Variants in SLFN12L observed in about 807,000 individuals in gnomAD.
The protein encoded by SLFN12L is schlafen family member 12 like, also known as schlafen family member 12-like.
Under a neutral mutation model 34.8 loss-of-function variants are expected in SLFN12L, and 34 were observed. The ratio of observed to expected loss-of-function variants is 0.98; its 90% CI spans 0.74 to 1.30. SLFN12L has a LOEUF of 1.30. SLFN12L is among the 50% of genes most tolerant of loss of function. SLFN12L has a pLI of 0.00. For missense variants in SLFN12L, 703 were observed against 696.2 expected (o/e 1.01, Z -0.11); for synonymous variants, 259 against 247.5 (o/e 1.05, Z -0.44).
chr17:35,490,557 G>A, intron 2 of SLFN12L: 1 of 836,356 alleles, frequency 1.2e-6, no homozygotes, highest in East Asian at 2.4e-5. Context: ...GTTGCAGTCT[G>A]TCTGCGGATG....
At chr17:35,521,980 G>A (rs1916010335) in intron 2 of SLFN12L, among the ~76,000 whole-genome samples, 4 of 152,084 alleles carry the variant, frequency 2.6e-5, no homozygotes, top group Admixed American at 2.6e-4. Flanking sequence ...TGGGGTGAGG[G>A]GAGAGGGAGG....
In SLFN12L at chr17:35,493,557, C is replaced by T. The variant is rs143629588; in HGVS notation, c.87-13362G>A. On this transcript the variant is annotated intron_variant, in intron 2 of 4. Transcript: ENST00000628453. ...ATAAGTCTTAAAAGTTCCTTCATGC[C>T]TAAGATTTTTTCCAGTTACTGGGCT... Among the ~76,000 whole-genome samples, 5 of 152,204 alleles carry T rather than the reference C, an allele frequency of 3.3e-5. No individual in the cohort carries two copies. In the East Asian group the frequency reaches 9.6e-4, roughly 29 times the overall value.
intron 2 of SLFN12L, among the ~76,000 whole-genome samples, chr17:35,521,072 A>G (rs1915982553): frequency 6.6e-6 from 1 of 152,206 alleles, no homozygotes; most frequent in African/African-American, 2.4e-5. Flanking sequence ...CTCCAGCCTA[A>G]CTATGAGAAA....
intron 1 of SLFN12L, among the ~76,000 whole-genome samples, chr17:35,530,240 G>A (rs900796952): frequency 7.4e-5 from 11 of 148,416 alleles, no homozygotes; most frequent in African/African-American, 2.5e-4. Flanking sequence ...CTAGCTACTC[G>A]GGAGGCTGAG....
chr17:35,528,569 C>T (rs1203721981), intron 1 of SLFN12L, among the ~76,000 whole-genome samples: 1 of 152,076 alleles, frequency 6.6e-6, no homozygotes, highest in African/African-American at 2.4e-5. Flanking sequence ...ATCTGACAAA[C>T]CTAACAAAAA....
chr17:35,516,506 G>T (rs1438768016), intron 2 of SLFN12L, among the ~76,000 whole-genome samples: 1 of 152,216 alleles, frequency 6.6e-6, no homozygotes. Flanking sequence ...CTGGAAAATT[G>T]TTTGTTGTGG....
intron 1 of SLFN12L, among the ~76,000 whole-genome samples, chr17:35,530,441 G>GAAAGAAAGA (rs1489409235): frequency 5.9e-5 from 1 of 16,878 alleles, no homozygotes; most frequent in African/African-American, 1.1e-4. Context: ...GAAGGGAAGG[G>GAAAGAAAGA]AAGAAAGAAA....
intron 2 of SLFN12L, among the ~76,000 whole-genome samples, chr17:35,514,526 A>G (rs921328976): frequency 2.6e-5 from 4 of 152,250 alleles, no homozygotes; most frequent in African/African-American, 9.6e-5. Context: ...GAAATGAACA[A>G]AATCTGTGAT....
intron 2 of SLFN12L, among the ~76,000 whole-genome samples, chr17:35,503,936 C>G (rs769607657): frequency 6.6e-5 from 10 of 152,090 alleles, no homozygotes; most frequent in African/African-American, 9.7e-5. Flanking sequence ...AGCACCACCC[C>G]CTCCAGAGTT....
chr17:35,529,996 A>G (rs948524793), intron 1 of SLFN12L, among the ~76,000 whole-genome samples: 19 of 151,900 alleles, frequency 1.3e-4, no homozygotes, highest in Non-Finnish European at 2.5e-4. Flanking sequence ...AACTTTCTCA[A>G]AGTCACTCAA....
intron 2 of SLFN12L, among the ~76,000 whole-genome samples, chr17:35,510,949 G>A (rs889094018): frequency 6.6e-6 from 1 of 151,972 alleles, no homozygotes; most frequent in Admixed American, 6.6e-5. Context: ...GTTCTAGTCA[G>A]ATTTTCCTAT....
chr17:35,495,457 T>C (rs1915016953), intron 2 of SLFN12L, among the ~76,000 whole-genome samples: 2 of 152,284 alleles, frequency 1.3e-5, no homozygotes, highest in South Asian at 2.1e-4. Context: ...CAGTAACATA[T>C]AAAGCAATAG....
At chr17:35,517,103 T>A (rs1327216126) in intron 2 of SLFN12L, among the ~76,000 whole-genome samples, 1 of 152,160 alleles carries the variant, frequency 6.6e-6, no homozygotes, top group African/African-American at 2.4e-5. Context: ...ATAGTCAACA[T>A]AAACAAATTA....
chr17:35,508,582 T>C (rs1915541341), intron 2 of SLFN12L, among the ~76,000 whole-genome samples: 1 of 152,158 alleles, frequency 6.6e-6, no homozygotes, highest in Admixed American at 6.5e-5. Flanking sequence ...TCTCCTGACC[T>C]CGTGATCTGC....
rs892372962 is a variant in SLFN12L at position 35,508,813 on chromosome 17, C to CA, written c.86+13465dup. 3.4e-5 allele frequency among the ~76,000 whole-genome samples: 5 copies of CA among 148,180 alleles called. 1 individual carries two copies. The highest frequency in any genetic ancestry group is 2.1e-4 in the South Asian group (1 of 4,818). ...ATTTTCTTTCAGTTTTCTGTAAATA[C>CA]AAAAAATAATATTTATACTGACCTT... On this transcript the variant is annotated intron_variant, in intron 2 of 4. Coordinates refer to ENST00000628453, the MANE Select transcript of SLFN12L (RefSeq NM_001363830.2).
intron 1 of SLFN12L, among the ~76,000 whole-genome samples, chr17:35,530,062 C>A (rs990402787): frequency 6.7e-6 from 1 of 150,276 alleles, no homozygotes; most frequent in Non-Finnish European, 1.5e-5. Context: ...ACCTCATAAA[C>A]GTCATCTGTC....
intron 2 of SLFN12L, among the ~76,000 whole-genome samples, chr17:35,501,953 G>C (rs1307764660): frequency 6.6e-6 from 1 of 152,006 alleles, no homozygotes; most frequent in East Asian, 1.9e-4. Context: ...CCAGCAGAGA[G>C]AGAGAAAGGA....
intron 2 of SLFN12L, chr17:35,498,112 G>C: frequency 1.7e-6 from 1 of 587,812 alleles, no homozygotes; most frequent in Non-Finnish European, 3.0e-6. Context: ...ACACAGCTGA[G>C]CCGGCGGTCA....
At chr17:35,509,717 A>T (rs1021824393) in intron 2 of SLFN12L, among the ~76,000 whole-genome samples, 3 of 149,680 alleles carry the variant, frequency 2.0e-5, no homozygotes, top group Non-Finnish European at 4.4e-5. Flanking sequence ...TTTTTTTTTG[A>T]GACAGAGTCT....
Sources: allele counts gnomAD v4.1 joint callset (sites outside exome capture counted in the v4.1 genomes callset), GRCh38; gene constraint gnomAD v4.1.1; transcripts MANE v1.5; gene names NCBI Gene and HGNC (gene_info 2026-07-23, HGNC 2026-07-21).